Variants in TFB1M observed in about 807,000 individuals in gnomAD.
TFB1M encodes transcription factor B1, mitochondrial.
In TFB1M, 27 loss-of-function variants were observed where a neutral mutation model predicts 31.1. The ratio of observed to expected loss-of-function variants is 0.87; its 90% CI spans 0.64 to 1.20. The LOEUF is 1.20. Ranked by LOEUF, TFB1M falls within the 50% of genes most tolerant of loss-of-function variation. TFB1M has a pLI of 0.00. For missense variants in TFB1M, 394 were observed against 418.7 expected, an observed-to-expected ratio of 0.94 and a Z score of 0.51; for synonymous variants, 166 against 151.8, an observed-to-expected ratio of 1.09 and a Z score of -0.69.
chr6:155,263,942 A>G (rs1784502652), intron 5 of TFB1M: 1 of 145,930 alleles, frequency 6.9e-6, no homozygotes, highest in African/African-American at 2.6e-5. Flanking sequence ...CAGAAGGGCT[A>G]GTGAAAAAAA....
intron 5 of TFB1M, among the ~76,000 whole-genome samples, chr6:155,275,268 T>C (rs1785128464): frequency 1.3e-5 from 2 of 152,204 alleles, no homozygotes; most frequent in African/African-American, 2.4e-5. Flanking sequence ...GAAAAACCTA[T>C]AATGCTATTA....
chr6:155,278,761 G>A (rs1012325620), intron 5 of TFB1M, among the ~76,000 whole-genome samples: 4 of 152,162 alleles, frequency 2.6e-5, no homozygotes, highest in African/African-American at 9.7e-5. Context: ...GTGGGTGCAT[G>A]GTTACACAGC....
intron 6 of TFB1M, 40 bp downstream of exon 6, chr6:155,260,233 T>C (rs189620402): frequency 1.2e-6 from 2 of 1,612,480 alleles, no homozygotes; most frequent in Non-Finnish European, 1.7e-6. Context: ...CTGAGGATTT[T>C]ATAAAGACTG....
Position 155,260,988 on chromosome 6 carries a change from C to T in TFB1M, c.667-588G>A, listed in dbSNP as rs980353750. The T allele has an allele frequency of 7.2e-5, 12 of 166,582 alleles. 1 individual carries two copies. Among genetic ancestry groups the T allele is most frequent in the Admixed American group, 6.1e-4 (11 of 18,038 alleles). 10.3% of individuals were successfully genotyped at this position (166,582 alleles called of 1,614,324 possible). A position where few individuals can be genotyped will look rare whatever the true frequency, so the allele number is the denominator to read the frequency against. On this transcript the variant is annotated intron_variant, in intron 5 of 6. Coordinates refer to ENST00000367166, the MANE Select transcript of TFB1M (RefSeq NM_016020.4). ...CAGGACTGAAATTGAAAATGGAAAC[C>T]ATCAAAAAATGTCACTGTTTGATAG...
At chr6:155,300,561 T>C (rs1777379431) in intron 2 of TFB1M, among the ~76,000 whole-genome samples, 1 of 152,138 alleles carries the variant, frequency 6.6e-6, no homozygotes, top group Non-Finnish European at 1.5e-5. Context: ...TAAAACAAAT[T>C]AGCACGCCAA....
At chr6:155,304,167 A>G (rs1433935507) in intron 2 of TFB1M, among the ~76,000 whole-genome samples, 1 of 152,144 alleles carries the variant, frequency 6.6e-6, no homozygotes, top group Non-Finnish European at 1.5e-5. Flanking sequence ...CTGTAATTCC[A>G]GCTACTCGTC....
In TFB1M at chr6:155,256,862, G is replaced by T; in HGVS notation, c.*974C>A. 1 of 1,614,226 alleles carries T rather than the reference G, an allele frequency of 6.2e-7. No individual in the cohort carries two copies. Among genetic ancestry groups the T allele is most frequent in the East Asian group, 2.2e-5 (1 of 44,884 alleles). On this transcript the variant is annotated 3_prime_UTR_variant, in exon 7 of 7. Coordinates refer to ENST00000367166, the MANE Select transcript of TFB1M (RefSeq NM_016020.4). ...GAGCAGCAGCCTGGCCCGGAGTCGG[G>T]TGAGGGTCAGAAAGGAGGAGAGCAG...
chr6:155,249,785 AT>A, the TFB1M span: 3 of 1,358,652 alleles, frequency 2.2e-6, no homozygotes, highest in African/African-American at 4.3e-5. Flanking sequence ...TCCATTCATT[AT>A]TACTGTTGGA....
the TFB1M span, chr6:155,245,664 G>T: frequency 4.3e-6 from 7 of 1,613,682 alleles, no homozygotes; most frequent in Non-Finnish European, 5.1e-6. Context: ...TTTATTACGC[G>T]GACCACTTTA....
intron 4 of TFB1M, among the ~76,000 whole-genome samples, chr6:155,292,043 A>G (rs191690290): frequency 6.6e-6 from 1 of 152,316 alleles, no homozygotes; most frequent in East Asian, 1.9e-4. Context: ...CAACAGGTGG[A>G]GCAGGACTGT....
the TFB1M span, chr6:155,244,868 A>G: frequency 1.4e-6 from 2 of 1,442,614 alleles, no homozygotes; most frequent in Non-Finnish European, 1.9e-6. Context: ...ATGAGAAAGA[A>G]TTTCTTGTCC....
intron 4 of TFB1M, among the ~76,000 whole-genome samples, chr6:155,295,402 T>C (rs1412972730): frequency 2.0e-5 from 3 of 151,542 alleles, no homozygotes; most frequent in East Asian, 1.9e-4. Flanking sequence ...GTATTCATCA[T>C]AGGAATATAA....
At chr6:155,284,538 T>C (rs1401784693) in intron 5 of TFB1M, among the ~76,000 whole-genome samples, 3 of 152,212 alleles carry the variant, frequency 2.0e-5, no homozygotes, top group Non-Finnish European at 2.9e-5. Flanking sequence ...GATGAGTTTT[T>C]AATAGTACAC....
At chr6:155,280,786 C>T (rs1785462751) in intron 5 of TFB1M, among the ~76,000 whole-genome samples, 1 of 152,190 alleles carries the variant, frequency 6.6e-6, no homozygotes, top group Non-Finnish European at 1.5e-5. Flanking sequence ...GTGGACCCAT[C>T]CACCCACCAA....
At chr6:155,254,269 C>T (rs1783861998), downstream of TFB1M, 1 of 1,072,520 alleles carries the variant, frequency 9.3e-7, no homozygotes, top group Admixed American at 2.6e-5. Context: ...TCACCTCCTT[C>T]TGTACGGGAG....
chr6:155,285,331 T>C (rs2114739912), intron 4 of TFB1M, 54 bp from the exon 5 acceptor site: 2 of 1,605,774 alleles, frequency 1.2e-6, no homozygotes, highest in African/African-American at 2.7e-5. Flanking sequence ...CCTGATTAGA[T>C]GAAAAAGAGT....
chr6:155,311,930 G>A (rs1204383353), intron 1 of TFB1M, among the ~76,000 whole-genome samples: 1 of 151,730 alleles, frequency 6.6e-6, no homozygotes, highest in African/African-American at 2.4e-5. Context: ...AGCAGTTGAG[G>A]GTTTTTAAAG....
At chr6:155,264,116 CAG>C in intron 5 of TFB1M, 1 of 152,312 alleles carries the variant, frequency 6.6e-6, no homozygotes, top group East Asian at 1.9e-4. Flanking sequence ...CGCAGGAGGA[CAG>C]GGGCTTGGGA....
chr6:155,269,190 G>C (rs1784808150), intron 5 of TFB1M, among the ~76,000 whole-genome samples: 1 of 151,640 alleles, frequency 6.6e-6, no homozygotes, highest in African/African-American at 2.4e-5. Flanking sequence ...TTAGAGGTGG[G>C]GCAATGCTAT....
Sources: gnomAD v4.1 joint callset for allele counts (sites outside exome capture counted in the v4.1 genomes callset) on GRCh38, gnomAD v4.1.1 for gene constraint, MANE v1.5 for transcripts, NCBI Gene and HGNC (gene_info 2026-07-23, HGNC 2026-07-21) for gene names.